The following MLIP variants were observed in gnomAD, a reference collection of about 807,000 sequenced individuals.
The protein encoded by MLIP is muscular LMNA interacting protein, also known as muscular LMNA-interacting protein.
A neutral mutation model predicts 84.8 loss-of-function variants in MLIP; 79 were observed. That is an observed-to-expected ratio of 0.93 (90% confidence interval 0.78 to 1.12). The LOEUF (loss-of-function observed/expected upper bound fraction) is 1.12. Among genes scored for constraint, MLIP ranks in the 50% most tolerant of loss-of-function variants. The probability of loss-of-function intolerance (pLI) is 0.00; values close to 1 mark genes in which losing one functional copy is unlikely to be tolerated. For synonymous variants in MLIP, 504 were observed against 463.0 expected, an observed-to-expected ratio of 1.09 and a Z score of -1.14; for missense variants, 1,257 against 1,160.6, an observed-to-expected ratio of 1.08 and a Z score of -1.21.
At chr6:54,230,689 T>C in intron 11 of MLIP, 25 bp from the exon 12 acceptor site, 1 of 1,609,410 alleles carries the variant, frequency 6.2e-7, no homozygotes, top group Non-Finnish European at 8.5e-7. Flanking sequence ...TAACATCCTC[T>C]TATGCCTTTC....
rs943321778 is a variant in MLIP at position 54,216,258 on chromosome 6, T to C, written c.2718+14025T>C. 3.0e-6 allele frequency: 3 copies of C among 985,432 alleles called. No individual in the cohort carries two copies. In the African/African-American group the frequency reaches 5.2e-5, roughly 17 times the overall value. 61.0% of individuals were successfully genotyped at this position (985,432 alleles called of 1,614,324 possible). A position where few individuals can be genotyped will look rare whatever the true frequency, so the allele number is the denominator to read the frequency against. On this transcript the variant is annotated intron_variant, in intron 11 of 13. Transcript: ENST00000502396. ...AGGGTCAACTGAATATATTGTCTTC[T>C]TTCTCTCTTCCATTATGAGCAATTG... is the stretch of plus-strand genomic sequence containing the variant.
intron 1 of MLIP, among the ~76,000 whole-genome samples, chr6:54,034,110 C>A (rs1486430058): frequency 6.6e-6 from 1 of 152,090 alleles, no homozygotes; most frequent in Non-Finnish European, 1.5e-5. Flanking sequence ...TTTTGGGGAC[C>A]TACTTTGTTG....
chr6:54,230,584 C>T (rs1238708326), intron 11 of MLIP, 130 bp from the exon 12 acceptor site: 1 of 770,942 alleles, frequency 1.3e-6, no homozygotes, highest in Non-Finnish European at 2.2e-6. Context: ...ATGAGGGACA[C>T]CATCTCATGA....
chr6:54,144,706 C>A (rs1461384722), intron 4 of MLIP, among the ~76,000 whole-genome samples: 1 of 152,174 alleles, frequency 6.6e-6, no homozygotes, highest in Non-Finnish European at 1.5e-5. Flanking sequence ...AGTTTATGGT[C>A]TGGGGGTTAG....
chr6:54,128,996 G>A (rs561436142), intron 3 of MLIP, among the ~76,000 whole-genome samples: 2 of 151,944 alleles, frequency 1.3e-5, no homozygotes, highest in Non-Finnish European at 2.9e-5. Context: ...TTTTTCAAAT[G>A]TAGCTCAGAA....
At chr6:54,126,859 A>T (rs976592542) in intron 3 of MLIP, among the ~76,000 whole-genome samples, 28 of 152,284 alleles carry the variant, frequency 1.8e-4, no homozygotes, top group African/African-American at 6.0e-4. Flanking sequence ...AATTGTCTGT[A>T]AATTACCTCT....
chr6:54,204,994 C>A (rs1167935711), intron 11 of MLIP, among the ~76,000 whole-genome samples: 5 of 152,118 alleles, frequency 3.3e-5, no homozygotes, highest in African/African-American at 9.7e-5. Context: ...GGTCCCCTGG[C>A]CTTATTCATT....
At chr6:54,083,764 A>G in intron 1 of MLIP, 1 of 869,238 alleles carries the variant, frequency 1.2e-6, no homozygotes, top group Non-Finnish European at 1.8e-6. Flanking sequence ...TTATAATGGT[A>G]TCAGACAACA....
At chr6:54,194,870 G>A (rs1249402179) in intron 10 of MLIP, among the ~76,000 whole-genome samples, 1 of 151,480 alleles carries the variant, frequency 6.6e-6, no homozygotes, top group Admixed American at 6.6e-5. Context: ...TCCAATATTG[G>A]GAGCTTTACC....
At chr6:54,120,007 C>T (rs373463841) in intron 1 of MLIP, among the ~76,000 whole-genome samples, 1 of 152,156 alleles carries the variant, frequency 6.6e-6, no homozygotes, top group Non-Finnish European at 1.5e-5. Context: ...CTTCTCTACT[C>T]TCACCCATCC....
At chr6:54,072,806 C>T (rs1024666005) in intron 1 of MLIP, among the ~76,000 whole-genome samples, 4 of 152,162 alleles carry the variant, frequency 2.6e-5, no homozygotes, top group African/African-American at 7.2e-5. Context: ...AATGTATTGA[C>T]TGATTGATGA....
chr6:54,036,762 T>C lies in MLIP; in HGVS notation c.63+17671T>C, dbSNP rs1171696482. Among the ~76,000 whole-genome samples the C allele has an allele frequency of 2.0e-5, 3 of 151,932 alleles. No individual in the cohort carries two copies. The East Asian group carries it at 5.8e-4, about 29-fold the overall frequency. On this transcript the variant is annotated intron_variant, in intron 1 of 12. Transcript: ENST00000274897. ...ATATATCCAAAGGAAATGAAATCAGTAGGTCAAAGAGATACCTGCATTCCA... is the reference window on the plus strand; with the variant it reads ...ATATATCCAAAGGAAATGAAATCAGCAGGTCAAAGAGATACCTGCATTCCA...
chr6:54,045,515 A>G (rs1764995817), intron 1 of MLIP: 1 of 152,158 alleles, frequency 6.6e-6, no homozygotes, highest in Non-Finnish European at 1.5e-5. Flanking sequence ...TGTTAAGTGA[A>G]TAACAGCATA....
chr6:54,084,036 T>C (rs562645647), intron 1 of MLIP, among the ~76,000 whole-genome samples: 170 of 152,304 alleles, frequency 1.1e-3, no homozygotes, highest in African/African-American at 3.7e-3. Context: ...ATTTTAATGA[T>C]TTGATCTTGA....
intron 11 of MLIP, chr6:54,215,286 G>A: frequency 1.4e-6 from 2 of 1,463,890 alleles, no homozygotes; most frequent in Non-Finnish European, 1.8e-6. Context: ...GACGATGATA[G>A]AATTCAATGG....
At chr6:54,181,988 G>T (rs1232412187) in intron 9 of MLIP, among the ~76,000 whole-genome samples, 1 of 152,180 alleles carries the variant, frequency 6.6e-6, no homozygotes, top group Admixed American at 6.5e-5. Flanking sequence ...GGAAGAAATA[G>T]CACAAGTACT....
chr6:54,178,179 C>G (rs1373486913), intron 9 of MLIP, among the ~76,000 whole-genome samples: 3 of 151,910 alleles, frequency 2.0e-5, no homozygotes, highest in Non-Finnish European at 4.4e-5. Flanking sequence ...ATCTGCATGT[C>G]CTGCACATGT....
At chr6:54,239,703 C>T (rs1369806605) in intron 12 of MLIP, among the ~76,000 whole-genome samples, 2 of 151,714 alleles carry the variant, frequency 1.3e-5, no homozygotes, top group Non-Finnish European at 2.9e-5. Context: ...AGGAGAATCA[C>T]TTGAACCCAG....
intron 1 of MLIP, among the ~76,000 whole-genome samples, chr6:54,051,887 G>A (rs1380082444): frequency 1.3e-5 from 2 of 152,090 alleles, no homozygotes. Flanking sequence ...TTGTTTGCTG[G>A]TAACAAATAC....
Sources: gnomAD v4.1 joint callset for allele counts (sites outside exome capture counted in the v4.1 genomes callset) on GRCh38, gnomAD v4.1.1 for gene constraint, MANE v1.5 for transcripts, NCBI Gene and HGNC (gene_info 2026-07-23, HGNC 2026-07-21) for gene names.